UST: variants seen among roughly 807,000 people sequenced by gnomAD.
UST encodes uronyl 2-sulfotransferase.
UST carries 21 observed loss-of-function variants against 45.6 expected under a neutral mutation model. That is an observed-to-expected ratio of 0.46 (90% CI 0.33 to 0.66). The LOEUF (loss-of-function observed/expected upper bound fraction) is 0.66. Among genes scored for constraint, UST ranks in the 30% least tolerant of loss-of-function variants. The pLI is 0.02. For missense variants in UST, 463 were observed against 512.4 expected (o/e 0.90, Z 0.93); for synonymous variants, 215 against 200.6 (o/e 1.07, Z -0.61).
intron 2 of UST, among the ~76,000 whole-genome samples, chr6:148,909,665 G>A (rs895928590): frequency 6.6e-6 from 1 of 152,192 alleles, no homozygotes; most frequent in African/African-American, 2.4e-5. Context: ...TAGCAGCAAG[G>A]ATGTGTGCTG....
At chr6:148,825,294 G>A (rs1188118541) in intron 1 of UST, among the ~76,000 whole-genome samples, 1 of 152,170 alleles carries the variant, frequency 6.6e-6, no homozygotes, top group African/African-American at 2.4e-5. Flanking sequence ...ATTTTGCTGG[G>A]CAGGCTGTAT....
intron 1 of UST, among the ~76,000 whole-genome samples, chr6:148,821,940 T>G (rs1777473828): frequency 6.6e-6 from 1 of 152,228 alleles, no homozygotes; most frequent in Admixed American, 6.5e-5. Flanking sequence ...CATCAACTTG[T>G]GTCTTGTGTT....
At chr6:148,897,437 C>G (rs1265732982) in intron 2 of UST, among the ~76,000 whole-genome samples, 2 of 152,130 alleles carry the variant, frequency 1.3e-5, no homozygotes, top group East Asian at 3.9e-4. Flanking sequence ...GTCTTGGCCT[C>G]CCAAAGTGCT....
intron 1 of UST, among the ~76,000 whole-genome samples, chr6:148,855,215 A>ATGGGGACACAGCCAAACCG (rs1457262174): frequency 1.3e-5 from 2 of 152,144 alleles, no homozygotes; most frequent in Non-Finnish European, 2.9e-5. Context: ...ATGAGATTTG[A>ATGGGGACACAGCCAAACCG]TGGGGACACA....
intron 1 of UST, 114 bp from the exon 2 acceptor site, chr6:148,886,872 C>T (rs1778920904): frequency 2.3e-6 from 2 of 872,044 alleles, no homozygotes; most frequent in African/African-American, 1.7e-5. Flanking sequence ...TTCTTTGGTA[C>T]TGTTGTCTGA....
chr6:148,934,029 C>T lies in UST; in HGVS notation c.292-7250C>T, dbSNP rs193275189. ...TAAAATCTAGTTTTAACTTTTAAGG[C>T]GTTTTCCAGATTATATCTTGGTAGC... On this transcript the variant is annotated intron_variant, in intron 2 of 7. Transcript: ENST00000367463. This position sits in a 1 kb window ranked among gnomAD's most constrained non-coding sequence, Gnocchi z 4.1. Among the ~76,000 whole-genome samples, 6 of 152,238 alleles carry T rather than the reference C, an allele frequency of 3.9e-5. No individual in the cohort carries two copies. The East Asian group carries it at 7.7e-4, about 20-fold the overall frequency.
At chr6:149,057,296 C>T (rs1278562673) in intron 7 of UST, among the ~76,000 whole-genome samples, 1 of 151,836 alleles carries the variant, frequency 6.6e-6, no homozygotes, top group Non-Finnish European at 1.5e-5. Flanking sequence ...ATATTAAGGG[C>T]ACTGCTGTAC....
At chr6:148,816,599 A>G (rs1413347535) in intron 1 of UST, among the ~76,000 whole-genome samples, 1 of 152,206 alleles carries the variant, frequency 6.6e-6, no homozygotes, top group African/African-American at 2.4e-5. Context: ...AAACCCAACA[A>G]AAGAGTCATG....
chr6:148,850,385 A>C (rs1371120781), intron 1 of UST, among the ~76,000 whole-genome samples: 1 of 152,162 alleles, frequency 6.6e-6, no homozygotes, highest in African/African-American at 2.4e-5. Context: ...TCTGACACTA[A>C]AGAAGCACAA....
In UST at chr6:149,058,936, G is replaced by A. The variant is rs80104751; in HGVS notation, c.938-14897G>A. Among the ~76,000 whole-genome samples, 1,501 of 152,186 alleles carry A rather than the reference G, an allele frequency of 9.9e-3. 30 individuals carry two copies. Among genetic ancestry groups the A allele is most frequent in the African/African-American group, 0.034 (1,406 of 41,526 alleles). On this transcript the variant is annotated intron_variant, in intron 7 of 7. Coordinates refer to ENST00000367463, the MANE Select transcript of UST (RefSeq NM_005715.3). ...ATACTTTCAAACAAATTTTACCGTAGCACATACTTTCAAACAAATATGTAT... is the reference window on the plus strand; with the variant it reads ...ATACTTTCAAACAAATTTTACCGTAACACATACTTTCAAACAAATATGTAT...
chr6:148,770,994 G>A (rs982569479), intron 1 of UST, among the ~76,000 whole-genome samples: 11 of 152,054 alleles, frequency 7.2e-5, no homozygotes, highest in African/African-American at 2.4e-4. Flanking sequence ...TATCCTGCAG[G>A]TATTGATTTA....
intron 1 of UST, among the ~76,000 whole-genome samples, chr6:148,781,121 A>G (rs150474178): frequency 6.6e-6 from 1 of 152,324 alleles, no homozygotes; most frequent in African/African-American, 2.4e-5. Context: ...GCTAGAAATG[A>G]TTAAGCTTAG....
chr6:148,881,788 G>A (rs751242655), intron 1 of UST, among the ~76,000 whole-genome samples: 35 of 152,020 alleles, frequency 2.3e-4, no homozygotes, highest in African/African-American at 6.3e-4. Context: ...AAGAAAGCTC[G>A]TTTTGATAAC....
intron 5 of UST, among the ~76,000 whole-genome samples, chr6:149,009,589 A>C (rs973434612): frequency 6.6e-6 from 1 of 152,108 alleles, no homozygotes; most frequent in African/African-American, 2.4e-5. Context: ...ACACATAGAC[A>C]GACACACATC....
In UST at chr6:149,075,821, T is replaced by C. The variant is rs1776882007; in HGVS notation, c.*1705T>C. Reference sequence around the variant, plus strand: ...AAATGTGTGAGTTGGGAGTAGTTAATAGTAAATAAGACTCTGACTTTACAC... The same window carrying C: ...AAATGTGTGAGTTGGGAGTAGTTAACAGTAAATAAGACTCTGACTTTACAC... On this transcript the variant is annotated 3_prime_UTR_variant, in exon 8 of 8. Transcript: ENST00000367463. 1 of 152,362 alleles carries C rather than the reference T, an allele frequency of 6.6e-6. No individual in the cohort carries two copies. The highest frequency in any genetic ancestry group is 2.1e-4 in the South Asian group (1 of 4,826). 9.4% of individuals were successfully genotyped at this position (152,362 alleles called of 1,614,324 possible).
At chr6:148,888,243 C>T (rs1056428823) in intron 2 of UST, among the ~76,000 whole-genome samples, 1 of 152,124 alleles carries the variant, frequency 6.6e-6, no homozygotes, top group African/African-American at 2.4e-5. Flanking sequence ...CCAGATCTCA[C>T]AGGAACTCAC....
chr6:148,765,723 A>G (rs145980197), intron 1 of UST, among the ~76,000 whole-genome samples: 3,215 of 152,274 alleles, frequency 0.021, 111 homozygotes, highest in African/African-American at 0.074. Context: ...TGTAGTAAAG[A>G]CAGGCATAAG....
intron 7 of UST, among the ~76,000 whole-genome samples, chr6:149,031,148 A>C (rs1776133844): frequency 6.6e-6 from 1 of 151,864 alleles, no homozygotes; most frequent in African/African-American, 2.4e-5. Flanking sequence ...TGGAGGTTGC[A>C]GTGAGCTGAG....
intron 1 of UST, among the ~76,000 whole-genome samples, chr6:148,825,168 C>T (rs980500431): frequency 7.2e-5 from 11 of 152,090 alleles, no homozygotes; most frequent in African/African-American, 2.7e-4. Context: ...CCTTTCTAGA[C>T]TTGAGAGACA....
Sources: allele counts gnomAD v4.1 joint callset (sites outside exome capture counted in the v4.1 genomes callset), GRCh38; gene constraint gnomAD v4.1.1; non-coding constraint Gnocchi (gnomAD v3.1); transcripts MANE v1.5; gene names NCBI Gene and HGNC (gene_info 2026-07-23, HGNC 2026-07-21).